Variants in PRKN observed in about 807,000 individuals in gnomAD.
The protein encoded by PRKN is E3 ubiquitin-protein ligase parkin.
In PRKN, 56 loss-of-function variants were observed where a neutral mutation model predicts 59.5. The observed-to-expected ratio is 0.94, with a 90% confidence interval of 0.76 to 1.18. The LOEUF (loss-of-function observed/expected upper bound fraction) is 1.18. Ranked by LOEUF, PRKN falls within the 50% of genes most tolerant of loss-of-function variation. The pLI, the probability that PRKN is intolerant of heterozygous loss-of-function variation, is 0.00. For missense variants in PRKN, 657 were observed against 596.4 expected, an observed-to-expected ratio of 1.10 and a Z score of -1.06; for synonymous variants, 250 against 222.1, an observed-to-expected ratio of 1.13 and a Z score of -1.12.
intron 2 of PRKN, among the ~76,000 whole-genome samples, chr6:162,289,069 C>G (rs1039892863): frequency 6.6e-6 from 1 of 152,092 alleles, no homozygotes; most frequent in Non-Finnish European, 1.5e-5. Flanking sequence ...TAATCAAGTA[C>G]CACAAACTAG....
chr6:161,864,627 T>C (rs896546935), intron 6 of PRKN, among the ~76,000 whole-genome samples: 3 of 148,532 alleles, frequency 2.0e-5, no homozygotes, highest in Non-Finnish European at 2.9e-5. Context: ...TTCCAAAAGG[T>C]GTTTTTGTTT....
At position 161,738,569 on chromosome 6, in the gene PRKN, G is replaced by A. The variant is rs1562645260; in HGVS notation, c.871+47203C>T. Among the ~76,000 whole-genome samples the A allele has an allele frequency of 6.6e-5, 10 of 152,244 alleles. No homozygotes were observed. The South Asian group carries it at 1.5e-3, about 22-fold the overall frequency. On this transcript the variant is annotated intron_variant, in intron 7 of 11. Transcript: ENST00000366898. ...AAAGCACAGGCACCACAGGCTCCCC[G>A]TGCCACCAGCTCCCACACACGCAGA... is the stretch of plus-strand genomic sequence containing the variant.
chr6:162,238,790 G>A (rs1778854177), intron 3 of PRKN, among the ~76,000 whole-genome samples: 1 of 152,156 alleles, frequency 6.6e-6, no homozygotes, highest in African/African-American at 2.4e-5. Context: ...ACATTGCCCA[G>A]AGCCACTGGA....
At chr6:161,535,233 C>T (rs140664179) in intron 9 of PRKN, among the ~76,000 whole-genome samples, 8 of 152,088 alleles carry the variant, frequency 5.3e-5, no homozygotes, top group East Asian at 1.9e-4. Flanking sequence ...ATAGAAGGGG[C>T]GAATACAATT....
chr6:162,067,970 C>T (rs1778406759), intron 4 of PRKN, among the ~76,000 whole-genome samples: 1 of 152,144 alleles, frequency 6.6e-6, no homozygotes, highest in Non-Finnish European at 1.5e-5. Flanking sequence ...ACAGTGAAAT[C>T]CTTGCTAACT....
intron 6 of PRKN, among the ~76,000 whole-genome samples, chr6:161,838,579 C>T (rs1421794989): frequency 1.3e-5 from 2 of 152,220 alleles, no homozygotes; most frequent in African/African-American, 2.4e-5. Context: ...GGATGTTAGC[C>T]CAGGTCTCGC....
intron 7 of PRKN, among the ~76,000 whole-genome samples, chr6:161,677,706 T>G (rs1785140954): frequency 6.6e-6 from 1 of 152,136 alleles, no homozygotes; most frequent in African/African-American, 2.4e-5. Flanking sequence ...TTTAAAAAAT[T>G]TCTCAATGGC....
chr6:161,650,302 A>G (rs1311776847), intron 7 of PRKN, among the ~76,000 whole-genome samples: 1 of 152,182 alleles, frequency 6.6e-6, no homozygotes, highest in Non-Finnish European at 1.5e-5. Flanking sequence ...GCCAGACCCT[A>G]AAGATAAGGT....
chr6:162,011,747 A>G (rs1782729035), intron 5 of PRKN, among the ~76,000 whole-genome samples: 1 of 151,182 alleles, frequency 6.6e-6, no homozygotes, highest in East Asian at 1.9e-4. Flanking sequence ...GATTAAATAT[A>G]TATTTTTAAA....
At chr6:162,477,765 T>A (rs1792094616) in intron 1 of PRKN, among the ~76,000 whole-genome samples, 1 of 152,190 alleles carries the variant, frequency 6.6e-6, no homozygotes, top group South Asian at 2.1e-4. Context: ...TTCTCCTGCA[T>A]AACTGCATGT....
intron 7 of PRKN, among the ~76,000 whole-genome samples, chr6:161,675,213 C>T (rs544271045): frequency 6.6e-6 from 1 of 152,094 alleles, no homozygotes; most frequent in Non-Finnish European, 1.5e-5. Context: ...AACCCAACTC[C>T]CCAGTATTTG....
intron 6 of PRKN, among the ~76,000 whole-genome samples, chr6:161,956,689 G>A (rs1272225782): frequency 6.6e-6 from 1 of 152,074 alleles, no homozygotes; most frequent in Non-Finnish European, 1.5e-5. Context: ...ACTAGGAGTT[G>A]CAAAAACATA....
At chr6:162,239,936 C>T (rs1243399528) in intron 3 of PRKN, among the ~76,000 whole-genome samples, 3 of 152,134 alleles carry the variant, frequency 2.0e-5, no homozygotes, top group African/African-American at 7.2e-5. Context: ...AGTCTGTGTT[C>T]ACAAGTTATC....
intron 1 of PRKN, among the ~76,000 whole-genome samples, chr6:162,517,774 A>T: frequency 6.8e-6 from 1 of 146,864 alleles, no homozygotes; most frequent in Non-Finnish European, 1.5e-5. Context: ...TAAAATGGAC[A>T]AAAAAACTGG....
At chr6:161,936,450 C>T (rs569669035) in intron 6 of PRKN, among the ~76,000 whole-genome samples, 1 of 152,162 alleles carries the variant, frequency 6.6e-6, no homozygotes, top group African/African-American at 2.4e-5. Flanking sequence ...ACCTCGTGAT[C>T]CACCTGCCTT....
chr6:162,525,381 G>C (rs966322717), intron 1 of PRKN, among the ~76,000 whole-genome samples: 1 of 152,172 alleles, frequency 6.6e-6, no homozygotes, highest in Non-Finnish European at 1.5e-5. Context: ...CCCTGAGCCT[G>C]AAGGGCCTCT....
chr6:161,476,827 G>C (rs981444491), intron 9 of PRKN, among the ~76,000 whole-genome samples: 1 of 152,228 alleles, frequency 6.6e-6, no homozygotes, highest in Non-Finnish European at 1.5e-5. Context: ...GTGCTTTGCT[G>C]TCTCGCATCC....
At chr6:162,179,425 T>C (rs1436396713) in intron 4 of PRKN, among the ~76,000 whole-genome samples, 3 of 152,158 alleles carry the variant, frequency 2.0e-5, no homozygotes, top group Admixed American at 6.6e-5. Context: ...GTTTGCACCA[T>C]GGCTCTCCTG....
chr6:161,984,353 G>A (rs1465336927), intron 5 of PRKN, among the ~76,000 whole-genome samples: 1 of 152,166 alleles, frequency 6.6e-6, no homozygotes, highest in Non-Finnish European at 1.5e-5. Context: ...CGTCCCGTGG[G>A]TTCAAGCAAT....
Sources: allele counts gnomAD v4.1 joint callset (sites outside exome capture counted in the v4.1 genomes callset), GRCh38; gene constraint gnomAD v4.1.1; transcripts MANE v1.5; gene names NCBI Gene and HGNC (gene_info 2026-07-23, HGNC 2026-07-21).